The following ABHD6 variants were observed in gnomAD, a reference collection of about 807,000 sequenced individuals.
ABHD6 encodes abhydrolase domain containing 6, acylglycerol lipase.
Under a neutral mutation model 38.8 loss-of-function variants are expected in ABHD6, and 33 were observed. The observed-to-expected ratio is 0.85, with a 90% CI of 0.64 to 1.14. The LOEUF (loss-of-function observed/expected upper bound fraction) is 1.14. ABHD6 is among the 50% of genes most tolerant of loss of function. ABHD6 has a pLI of 0.00. For missense variants in ABHD6, 380 were observed against 422.6 expected (o/e 0.90, Z 0.88); for synonymous variants, 147 against 161.6 (o/e 0.91, Z 0.69).
In ABHD6 at chr3:58,265,530, T is replaced by C. The variant is rs907186472; in HGVS notation, c.120-1659T>C. Among the ~76,000 whole-genome samples, 18 of 152,242 alleles carry C rather than the reference T, an allele frequency of 1.2e-4. No individual in the cohort carries two copies. The highest frequency in any genetic ancestry group is 2.2e-4 in the Non-Finnish European group (15 of 68,042). ...CTGAATACTTACCATTTGCTGGGCA[T>C]TGAACAAAACTTTGTACATGGATTA... is the stretch of plus-strand genomic sequence containing the variant. On this transcript the variant is annotated intron_variant, in intron 3 of 9. Coordinates refer to ENST00000478253, the MANE Select transcript of ABHD6 (RefSeq NM_001320126.2). This position sits in a 1 kb window ranked among gnomAD's most constrained non-coding sequence, Gnocchi z 4.2.
chr3:58,268,067 C>A (rs770678603), intron 4 of ABHD6, among the ~76,000 whole-genome samples: 6 of 152,148 alleles, frequency 3.9e-5, no homozygotes, highest in Non-Finnish European at 8.8e-5. Context: ...AGGAGTGAGA[C>A]CCTGTCTCAA....
Position 58,289,873 on chromosome 3 carries a change from C to CT in ABHD6, c.838-3716_838-3715insT, listed in dbSNP as rs1164252922. On this transcript the variant is annotated intron_variant, in intron 9 of 9. Coordinates refer to ENST00000478253, the MANE Select transcript of ABHD6 (RefSeq NM_001320126.2). ...GCTGGCCGGGTAGGGGGCTGACCCC[C>CT]CCACCTCCCTCCCGGACGGGGTGGC... 2.9e-4 allele frequency among the ~76,000 whole-genome samples: 33 copies of CT among 115,432 alleles called. 3 individuals are homozygous for CT. Among genetic ancestry groups the CT allele is most frequent in the African/African-American group, 1.4e-3 (33 of 24,092 alleles). 75.7% of individuals were successfully genotyped at this position (115,432 alleles called of 152,430 possible). A position where few individuals can be genotyped will look rare whatever the true frequency, so the allele number is the denominator to read the frequency against.
Position 58,263,225 on chromosome 3 carries a change from TAAAC to T in ABHD6, c.120-3960_120-3957del, listed in dbSNP as rs1487329171. Among the ~76,000 whole-genome samples, 2 of 147,046 alleles carry T rather than the reference TAAAC, an allele frequency of 1.4e-5. No homozygotes were observed. The highest frequency in any genetic ancestry group is 5.1e-5 in the African/African-American group (2 of 39,510). ...TCCATCTAAAAAATAAAAATAAAAA[TAAAC>T]AAAAACAAAAATTAGCCGAGCGTGG... On this transcript the variant is annotated intron_variant, in intron 3 of 9. Transcript: ENST00000478253. The surrounding 1 kb of genome is among the most constrained non-coding windows in gnomAD (Gnocchi z 4.9).
intron 3 of ABHD6, among the ~76,000 whole-genome samples, chr3:58,261,355 G>T (rs571188467): frequency 6.6e-6 from 1 of 152,302 alleles, no homozygotes; most frequent in South Asian, 2.1e-4. Context: ...TTGGAGCTGG[G>T]TGCTGCAGCT....
chr3:58,241,916 T>C (rs2097423088), intron 1 of ABHD6, among the ~76,000 whole-genome samples: 1 of 152,222 alleles, frequency 6.6e-6, no homozygotes, highest in African/African-American at 2.4e-5. Context: ...GGTCACTTGC[T>C]ACAGTCACAT....
intron 7 of ABHD6, among the ~76,000 whole-genome samples, chr3:58,278,166 C>T (rs530754889): frequency 3.3e-5 from 5 of 152,194 alleles, no homozygotes; most frequent in African/African-American, 9.6e-5. Context: ...GAATCGTTTC[C>T]AAAGGAATGG....
chr3:58,282,124 T>C (rs2097453725), intron 7 of ABHD6, among the ~76,000 whole-genome samples: 1 of 151,836 alleles, frequency 6.6e-6, no homozygotes, highest in African/African-American at 2.4e-5. Context: ...TAACATTGAG[T>C]ATTAGGAAAG....
At position 58,279,959 on chromosome 3, in the gene ABHD6, G is replaced by A. The variant is rs956851109; in HGVS notation, c.682-5126G>A. Among the ~76,000 whole-genome samples, 12 of 152,186 alleles carry A rather than the reference G, an allele frequency of 7.9e-5. No homozygotes were observed. In the South Asian group the frequency reaches 1.0e-3, roughly 13 times the overall value. On this transcript the variant is annotated intron_variant, in intron 7 of 9. Transcript: ENST00000478253. ...TTGTAGGGTTTCTGCCAAGAGATCC[G>A]CTGTTAGTCTGATGGGCTTCCCTTT...
rs1172156738 is a variant in ABHD6, at chr3:58,251,907, A to T, written c.-26+1965A>T. 6.6e-6 allele frequency among the ~76,000 whole-genome samples: 1 copy of T among 152,226 alleles called. No homozygotes were observed. Among genetic ancestry groups the T allele is most frequent in the East Asian group, 1.9e-4 (1 of 5,202 alleles). On this transcript the variant is annotated intron_variant, in intron 2 of 9. Transcript: ENST00000478253. The surrounding 1 kb of genome is among the most constrained non-coding windows in gnomAD (Gnocchi z 5.4). ...TTAGGTTCTGGGAACTCTATTAGGAAAGAAGATTCTTGTGGGAGCAAGCCA... is the reference window on the plus strand; with the variant it reads ...TTAGGTTCTGGGAACTCTATTAGGATAGAAGATTCTTGTGGGAGCAAGCCA...
chr3:58,285,312 C>T lies in ABHD6; in HGVS notation c.737-41C>T. On this transcript the variant is annotated intron_variant, in intron 8 of 9. Coordinates refer to ENST00000478253, the MANE Select transcript of ABHD6 (RefSeq NM_001320126.2). The surrounding 1 kb of genome is among the most constrained non-coding windows in gnomAD (Gnocchi z 4.9). ...TGATTCTGCGGTGGTGCCACAGGCA[C>T]AGTCCAGCACATACTCACTTTGTTT... The T allele has an allele frequency of 6.3e-7, 1 of 1,597,130 alleles. No individual in the cohort carries two copies. The highest frequency in any genetic ancestry group is 8.6e-7 in the Non-Finnish European group (1 of 1,164,674).
Position 58,266,201 on chromosome 3 carries a change from C to G in ABHD6, c.120-988C>G, listed in dbSNP as rs1425809002. On this transcript the variant is annotated intron_variant, in intron 3 of 9. Coordinates refer to ENST00000478253, the MANE Select transcript of ABHD6 (RefSeq NM_001320126.2). The surrounding 1 kb of genome is among the most constrained non-coding windows in gnomAD (Gnocchi z 4.0). ...ACCAGCTGGACGTCTGTAACCCAAG[C>G]ACTTTGGGAGGCCAACGTGGATGGA... is the stretch of plus-strand genomic sequence containing the variant. Among the ~76,000 whole-genome samples, 1 of 152,180 alleles carries G rather than the reference C, an allele frequency of 6.6e-6. No individual in the cohort carries two copies. Among genetic ancestry groups the G allele is most frequent in the Non-Finnish European group, 1.5e-5 (1 of 68,042 alleles).
chr3:58,267,482 T>C lies in ABHD6; in HGVS notation c.276+137T>C. The stretch of plus-strand genomic sequence containing the variant: ...GAGTTCAAAACCAGCCTGGACAACA[T>C]AAAGAAACCCTGTCTCTACAAAAAA... On this transcript the variant is annotated intron_variant, in intron 4 of 9. Coordinates refer to ENST00000478253, the MANE Select transcript of ABHD6 (RefSeq NM_001320126.2). The surrounding 1 kb of genome is among the most constrained non-coding windows in gnomAD (Gnocchi z 4.3). 9.0e-7 allele frequency: 1 copy of C among 1,117,208 alleles called. No homozygotes were observed. The highest frequency in any genetic ancestry group is 1.3e-6 in the Non-Finnish European group (1 of 780,834). The allele number at this position is 1,117,208 out of a possible 1,614,324, so 69.2% of individuals were successfully genotyped here.
rs1284013061 is a variant in ABHD6 at position 58,287,164 on chromosome 3, G to A, written c.837+1711G>A. Among the ~76,000 whole-genome samples, 1 of 151,842 alleles carries A rather than the reference G, an allele frequency of 6.6e-6. No homozygotes were observed. On this transcript the variant is annotated intron_variant, in intron 9 of 9. Coordinates refer to ENST00000478253, the MANE Select transcript of ABHD6 (RefSeq NM_001320126.2). The surrounding 1 kb of genome is among the most constrained non-coding windows in gnomAD (Gnocchi z 4.7). ...CCAAGCATGGTGGTATGCATCTGTAGTCCCAGCTACTCTGGAGGGTGAGGC... is the reference window on the plus strand; with the variant it reads ...CCAAGCATGGTGGTATGCATCTGTAATCCCAGCTACTCTGGAGGGTGAGGC...
At position 58,267,302 on chromosome 3, in the gene ABHD6, A is replaced by G. The variant is rs753234072; in HGVS notation, c.233A>G (p.His78Arg). The G allele has an allele frequency of 6.2e-7, 1 of 1,614,124 alleles. No homozygotes were observed. The highest frequency in any genetic ancestry group is 1.1e-5 in the South Asian group (1 of 91,080). The change falls in exon 4 of 10, where the codon CAC becomes CGC. Residue 78 changes from histidine (H) to arginine (R), a missense_variant. Transcript: ENST00000478253. This position sits in a 1 kb window ranked among gnomAD's most constrained non-coding sequence, Gnocchi z 4.3. Reference protein sequence around the residue: ...PGHKPSILMLHGFSAHKDMWL... With the variant: ...PGHKPSILMLRGFSAHKDMWL... ...CACAAACCCTCCATCCTCATGCTCC[A>G]CGGATTCTCTGCCCACAAGGATATG...
chr3:58,281,964 T>C (rs57699458), intron 7 of ABHD6, among the ~76,000 whole-genome samples: 17,592 of 151,904 alleles, frequency 0.12, 1,320 homozygotes, highest in African/African-American at 0.2. Flanking sequence ...TAAATACAAA[T>C]AAAAGAAAAT....
At chr3:58,261,310 AT>A (rs1188215481) in intron 3 of ABHD6, among the ~76,000 whole-genome samples, 1 of 152,172 alleles carries the variant, frequency 6.6e-6, no homozygotes, top group Non-Finnish European at 1.5e-5. Context: ...TCCAAAAAAA[AT>A]CTATAAATAA....
chr3:58,282,577 A>AT (rs1491482585), intron 7 of ABHD6, among the ~76,000 whole-genome samples: 1 of 151,992 alleles, frequency 6.6e-6, no homozygotes, highest in Non-Finnish European at 1.5e-5. Flanking sequence ...ACAAAAAAAA[A>AT]TTTTTTTAAT....
intron 9 of ABHD6, among the ~76,000 whole-genome samples, chr3:58,286,822 ATGTG>A (rs56020810): frequency 0.046 from 3,333 of 72,792 alleles, 242 homozygotes; most frequent in East Asian, 0.094. Flanking sequence ...AAGATCATAT[ATGTG>A]TGTGTGTGTG....
chr3:58,243,823 C>G (rs6804762), intron 1 of ABHD6, among the ~76,000 whole-genome samples: 112,652 of 151,886 alleles, frequency 0.74, 43,041 homozygotes, highest in East Asian at 1. Flanking sequence ...ACCACGCCTG[C>G]CTAATTTTTT....
Sources: gnomAD v4.1 joint callset for allele counts (sites outside exome capture counted in the v4.1 genomes callset) on GRCh38, gnomAD v4.1.1 for gene constraint, Gnocchi (gnomAD v3.1) non-coding constraint, MANE v1.5 for transcripts, NCBI Gene and HGNC (gene_info 2026-07-23, HGNC 2026-07-21) for gene names.